NRTN: variants seen among roughly 807,000 people sequenced by gnomAD.
NRTN encodes the protein prepro-neurturin.
A neutral mutation model predicts 7.5 loss-of-function variants in NRTN; 3 were observed. The observed-to-expected ratio is 0.40, with a 90% CI of 0.18 to 1.03. The LOEUF (loss-of-function observed/expected upper bound fraction) is 1.03, where lower values mean the gene tolerates loss of function less well. NRTN is among the 50% of genes least tolerant of loss of function. The pLI is 0.34. For missense variants in NRTN, 310 were observed against 307.0 expected (o/e 1.01, Z -0.07); for synonymous variants, 157 against 146.6 (o/e 1.07, Z -0.51).
intron 2 of NRTN, among the ~76,000 whole-genome samples, chr19:5,824,607 G>A (rs1335045861): frequency 6.6e-6 from 1 of 152,106 alleles, no homozygotes; most frequent in Non-Finnish European, 1.5e-5. Flanking sequence ...TAGCGAGACC[G>A]CCATCTCTAC....
At chr19:5,815,737 GTTT>G (rs372274776) in intron 1 of NRTN, among the ~76,000 whole-genome samples, 4,626 of 120,326 alleles carry the variant, frequency 0.038, 219 homozygotes, top group African/African-American at 0.13. Context: ...CGCCCGGCCT[GTTT>G]TTTTTTTTTT....
Position 5,828,191 on chromosome 19 carries a change from G to T in NRTN, c.*18G>T. 1 of 1,528,710 alleles carries T rather than the reference G, an allele frequency of 6.5e-7. No individual in the cohort carries two copies. The highest frequency in any genetic ancestry group is 1.2e-5 in the South Asian group (1 of 83,564). 94.7% of individuals were successfully genotyped at this position (1,528,710 alleles called of 1,614,324 possible). ...GCGTGTGACCCTACCTCACTCGGCC[G>T]GCGCGGCGGCCACTCCCCCCGCCTC... On this transcript the variant is annotated 3_prime_UTR_variant, in exon 3 of 3. Transcript: ENST00000303212.
At chr19:5,826,013 T>C (rs1022839943) in intron 2 of NRTN, among the ~76,000 whole-genome samples, 35 of 151,992 alleles carry the variant, frequency 2.3e-4, no homozygotes, top group African/African-American at 8.2e-4. Flanking sequence ...CGGGCGCCTG[T>C]AGTCCCAGCT....
At chr19:5,816,611 A>G (rs753905241) in intron 1 of NRTN, among the ~76,000 whole-genome samples, 25 of 151,698 alleles carry the variant, frequency 1.6e-4, no homozygotes, top group African/African-American at 5.8e-4. Flanking sequence ...CAAACTCCTG[A>G]CCTCAAATGA....
intron 1 of NRTN, among the ~76,000 whole-genome samples, chr19:5,822,438 CGGGCTGG>C (rs2057028517): frequency 6.6e-6 from 1 of 152,234 alleles, no homozygotes; most frequent in Non-Finnish European, 1.5e-5. Context: ...AATGTAAACT[CGGGCTGG>C]GGGCCGCGGG....
intron 1 of NRTN, among the ~76,000 whole-genome samples, chr19:5,815,427 A>AT (rs754233565): frequency 0.055 from 6,617 of 120,018 alleles, 415 homozygotes; most frequent in African/African-American, 0.13. Context: ...TGTGAGTGTG[A>AT]TTTTTTTTTT....
chr19:5,808,622 A>C (rs1254423452), intron 1 of NRTN, among the ~76,000 whole-genome samples: 1 of 152,010 alleles, frequency 6.6e-6, no homozygotes, highest in Middle Eastern at 3.4e-3. Flanking sequence ...TTCCCGCCTC[A>C]TCTCCCTGCA....
intron 1 of NRTN, among the ~76,000 whole-genome samples, chr19:5,805,929 G>A (rs994687843): frequency 2.7e-5 from 4 of 150,826 alleles, no homozygotes; most frequent in Non-Finnish European, 6.0e-5. Context: ...TGTCAGTGGC[G>A]CGTTCCCTGC....
chr19:5,827,940 T>A lies in NRTN; in HGVS notation c.361T>A (p.Ser121Thr), dbSNP rs1464308343. The A allele has an allele frequency of 4.0e-6, 6 of 1,485,328 alleles. No homozygotes were observed. Among genetic ancestry groups the A allele is most frequent in the Non-Finnish European group, 4.5e-6 (5 of 1,123,052 alleles). The allele number at this position is 1,485,328 out of a possible 1,614,324, so 92.0% of individuals were successfully genotyped here. A position where few individuals can be genotyped will look rare whatever the true frequency, so the allele number is the denominator to read the frequency against. ...RVSELGLGYASDETVLFRYCA... is the reference protein window; with the variant it reads ...RVSELGLGYATDETVLFRYCA... ...GAGCGAGCTGGGCCTGGGCTACGCG[T>A]CCGACGAGACGGTGCTGTTCCGCTA... The change falls in exon 3 of 3, where the codon TCC (serine) becomes ACC (threonine). Residue 121 changes from serine (S) to threonine (T), a missense_variant. Physicochemically the swap from Ser to Thr is moderately conservative, Grantham distance 58. Transcript: ENST00000303212.
At chr19:5,817,147 G>A (rs192728807) in intron 1 of NRTN, among the ~76,000 whole-genome samples, 4 of 151,826 alleles carry the variant, frequency 2.6e-5, no homozygotes, top group East Asian at 1.9e-4. Context: ...GACCGCCTGA[G>A]CAACACAGTG....
At chr19:5,809,632 C>T (rs2056984068) in intron 1 of NRTN, among the ~76,000 whole-genome samples, 2 of 152,198 alleles carry the variant, frequency 1.3e-5, no homozygotes, top group Non-Finnish European at 1.5e-5. Context: ...CAGCCAGGCC[C>T]TGGCACACAG....
At chr19:5,810,135 C>T (rs1461535905) in intron 1 of NRTN, among the ~76,000 whole-genome samples, 1 of 151,648 alleles carries the variant, frequency 6.6e-6, no homozygotes, top group East Asian at 1.9e-4. Context: ...GGCATGGTGG[C>T]AGGCACCTGT....
chr19:5,828,165 T>C lies in NRTN; in HGVS notation c.586T>C (p.Cys196Arg). The change falls in exon 3 of 3, where the codon TGC (cysteine) becomes CGC (arginine). Residue 196 changes from cysteine (C) to arginine (R), a missense_variant. By Grantham distance (180) the Cys-to-Arg change is radical. Transcript: ENST00000303212. ...CGAGCTGTCGGCGCGCGAGTGCGCC[T>C]GCGTGTGACCCTACCTCACTCGGCC... Reference protein sequence around the residue: ...VHELSARECACV With the variant: ...VHELSARECARV 6.5e-7 allele frequency: 1 copy of C among 1,530,210 alleles called. No individual in the cohort carries two copies. The highest frequency in any genetic ancestry group is 8.7e-7 in the Non-Finnish European group (1 of 1,144,272). The allele number at this position is 1,530,210 out of a possible 1,614,324, so 94.8% of individuals were successfully genotyped here. A position where few individuals can be genotyped will look rare whatever the true frequency, so the allele number is the denominator to read the frequency against.
intron 1 of NRTN, among the ~76,000 whole-genome samples, chr19:5,822,503 C>G (rs185514179): frequency 4.6e-5 from 7 of 152,208 alleles, no homozygotes; most frequent in Admixed American, 4.6e-4. Flanking sequence ...GGCGTGTACA[C>G]GTGAGTTATT....
At chr19:5,812,966 C>T (rs914247432) in intron 1 of NRTN, among the ~76,000 whole-genome samples, 15 of 152,208 alleles carry the variant, frequency 9.9e-5, no homozygotes, top group Admixed American at 8.5e-4. Context: ...TCTGGCTTCA[C>T]GGCCTGGCAT....
chr19:5,807,043 A>G (rs1386017384), intron 1 of NRTN, among the ~76,000 whole-genome samples: 1 of 152,182 alleles, frequency 6.6e-6, no homozygotes, highest in Non-Finnish European at 1.5e-5. Context: ...GCTCTACCTC[A>G]GGGTAGGAAT....
intron 2 of NRTN, among the ~76,000 whole-genome samples, chr19:5,827,142 G>T (rs948995170): frequency 6.6e-6 from 1 of 152,098 alleles, no homozygotes; most frequent in Non-Finnish European, 1.5e-5. Context: ...ACTGCACAGC[G>T]GGGCAGTGGG....
chr19:5,827,976 G>T lies in NRTN; in HGVS notation c.397G>T (p.Ala133Ser). 6.8e-7 allele frequency: 1 copy of T among 1,469,488 alleles called. No individual in the cohort carries two copies. The highest frequency in any genetic ancestry group is 9.0e-7 in the Non-Finnish European group (1 of 1,116,310). 91.0% of individuals were successfully genotyped at this position (1,469,488 alleles called of 1,614,324 possible). A position where few individuals can be genotyped will look rare whatever the true frequency, so the allele number is the denominator to read the frequency against. ...ETVLFRYCAGACEAAARVYDL... is the reference protein window; with the variant it reads ...ETVLFRYCAGSCEAAARVYDL... ...GGTGCTGTTCCGCTACTGCGCAGGC[G>T]CCTGCGAGGCTGCCGCGCGCGTCTA... The change falls in exon 3 of 3, where the codon GCC (alanine) becomes TCC (serine). Residue 133 changes from alanine (A) to serine (S), a missense_variant. Ala to Ser is a moderately conservative substitution (Grantham distance 99). Transcript: ENST00000303212.
rs1211109800 is a variant in NRTN at position 5,828,248 on chromosome 19, T to C, written c.*75T>C. 7 of 1,465,626 alleles carry C rather than the reference T, an allele frequency of 4.8e-6. No individual in the cohort carries two copies. The East Asian group carries it at 1.0e-4, about 21-fold the overall frequency. 90.8% of individuals were successfully genotyped at this position (1,465,626 alleles called of 1,614,324 possible). ...ACCACTGGCCGGCCCCGCGAAAGAC[T>C]GCGCGTGCGTAGAGCACGCCGGCGC... On this transcript the variant is annotated 3_prime_UTR_variant, in exon 3 of 3. Transcript: ENST00000303212.
Sources: gnomAD v4.1 joint callset for allele counts (sites outside exome capture counted in the v4.1 genomes callset) on GRCh38, gnomAD v4.1.1 for gene constraint, MANE v1.5 for transcripts, NCBI Gene and HGNC (gene_info 2026-07-23, HGNC 2026-07-21) for gene names.